The following CPA6 variants were observed in gnomAD, a reference collection of about 807,000 sequenced individuals.
The protein encoded by CPA6 is carboxypeptidase B.
CPA6 carries 58 observed loss-of-function variants against 63.3 expected under a neutral mutation model. That is an observed-to-expected ratio of 0.92 (90% CI 0.74 to 1.14). CPA6 has a LOEUF of 1.14. CPA6 is among the 50% of genes most tolerant of loss of function. CPA6 has a pLI of 0.00. For missense variants in CPA6, 565 were observed against 526.6 expected, an observed-to-expected ratio of 1.07 and a Z score of -0.71; for synonymous variants, 185 against 179.0, an observed-to-expected ratio of 1.03 and a Z score of -0.27.
chr8:67,475,445 T>A (rs1181312435), intron 8 of CPA6, among the ~76,000 whole-genome samples: 3 of 152,244 alleles, frequency 2.0e-5, no homozygotes, highest in Non-Finnish European at 4.4e-5. Flanking sequence ...AAGAAAACAA[T>A]GTAAATACAC....
chr8:67,576,292 T>C (rs1219486917), intron 2 of CPA6, among the ~76,000 whole-genome samples: 1 of 152,244 alleles, frequency 6.6e-6, no homozygotes, highest in Admixed American at 6.5e-5. Context: ...TTATACTGCA[T>C]AAATATATAC....
At chr8:67,615,723 A>G (rs1244034940) in intron 2 of CPA6, among the ~76,000 whole-genome samples, 1 of 152,220 alleles carries the variant, frequency 6.6e-6, no homozygotes. Flanking sequence ...CAAATCTGTA[A>G]GAAAGCCTAC....
At chr8:67,737,598 C>A (rs1385003170) in intron 1 of CPA6, among the ~76,000 whole-genome samples, 1 of 152,148 alleles carries the variant, frequency 6.6e-6, no homozygotes, top group Non-Finnish European at 1.5e-5. Flanking sequence ...AGGGTTGGAA[C>A]TGTTTGTTTA....
chr8:67,564,237 A>G (rs199913704), intron 2 of CPA6, among the ~76,000 whole-genome samples: 2 of 152,274 alleles, frequency 1.3e-5, no homozygotes, highest in East Asian at 1.9e-4. Flanking sequence ...TTCTAGGATT[A>G]AAGTTTGCCA....
intron 8 of CPA6, among the ~76,000 whole-genome samples, chr8:67,444,977 T>C (rs942998097): frequency 1.3e-5 from 2 of 152,150 alleles, no homozygotes; most frequent in African/African-American, 4.8e-5. Flanking sequence ...GGTTAGCCTG[T>C]AAAATGCAGA....
chr8:67,710,313 G>C lies in CPA6; in HGVS notation c.116+35701C>G, dbSNP rs748145282. 1.6e-4 allele frequency among the ~76,000 whole-genome samples: 25 copies of C among 151,900 alleles called. 1 individual carries two copies. The highest frequency in any genetic ancestry group is 2.9e-4 in the Non-Finnish European group (20 of 67,980). Reference sequence around the variant, plus strand: ...AATGTTTCTTACCAGAGTATAAAAGGTGTCAGGCTGTTAGTTAATCTCTCT... The same window carrying C: ...AATGTTTCTTACCAGAGTATAAAAGCTGTCAGGCTGTTAGTTAATCTCTCT... On this transcript the variant is annotated intron_variant, in intron 1 of 10. Transcript: ENST00000297770.
chr8:67,497,533 G>A (rs1811745476), intron 6 of CPA6, among the ~76,000 whole-genome samples: 1 of 152,112 alleles, frequency 6.6e-6, no homozygotes, highest in Non-Finnish European at 1.5e-5. Flanking sequence ...GAATAATGCT[G>A]CTATGAGCAT....
intron 2 of CPA6, among the ~76,000 whole-genome samples, chr8:67,583,929 A>T (rs1206735114): frequency 1.3e-5 from 2 of 152,056 alleles, no homozygotes; most frequent in African/African-American, 2.4e-5. Context: ...AGGCTGAGGC[A>T]GGAGGATCAT....
intron 2 of CPA6, among the ~76,000 whole-genome samples, chr8:67,568,680 G>GAGACCTAA (rs1452196767): frequency 1.3e-5 from 2 of 152,176 alleles, no homozygotes; most frequent in Admixed American, 6.5e-5. Context: ...ACACCATCAA[G>GAGACCTAA]AGACCTAACC....
At chr8:67,630,985 C>T (rs561028506) in intron 1 of CPA6, among the ~76,000 whole-genome samples, 1 of 152,340 alleles carries the variant, frequency 6.6e-6, no homozygotes, top group East Asian at 1.9e-4. Flanking sequence ...GGACCTGCAG[C>T]CCGCCATGAC....
At chr8:67,586,033 C>G (rs946909692) in intron 2 of CPA6, among the ~76,000 whole-genome samples, 3 of 151,976 alleles carry the variant, frequency 2.0e-5, no homozygotes, top group African/African-American at 4.8e-5. Flanking sequence ...TAGGGGTGAC[C>G]GCACCTGTAA....
chr8:67,616,841 G>T (rs1354090394), intron 2 of CPA6, among the ~76,000 whole-genome samples: 1 of 152,112 alleles, frequency 6.6e-6, no homozygotes, highest in Non-Finnish European at 1.5e-5. Flanking sequence ...TGGTCCAGTT[G>T]TCTGTCATCC....
chr8:67,646,061 C>G (rs1815706824), intron 1 of CPA6, among the ~76,000 whole-genome samples: 1 of 152,170 alleles, frequency 6.6e-6, no homozygotes, highest in Admixed American at 6.5e-5. Flanking sequence ...AGATGACAGC[C>G]CACTTGATCT....
chr8:67,517,879 T>G, intron 3 of CPA6, 44 bp downstream of exon 3: 1 of 1,565,600 alleles, frequency 6.4e-7, no homozygotes, highest in Non-Finnish European at 8.7e-7. Context: ...TTTGGTTCAG[T>G]TTAGTACCAA....
intron 1 of CPA6, among the ~76,000 whole-genome samples, chr8:67,696,388 T>C (rs904963386): frequency 2.6e-5 from 4 of 152,196 alleles, no homozygotes; most frequent in Non-Finnish European, 5.9e-5. Context: ...ATTAAAAAGA[T>C]TGACAATATC....
chr8:67,644,081 G>A (rs1242170818), intron 1 of CPA6, among the ~76,000 whole-genome samples: 3 of 151,868 alleles, frequency 2.0e-5, no homozygotes, highest in Admixed American at 6.6e-5. Context: ...CTTAAAGACC[G>A]CATGGTTGCC....
chr8:67,547,968 A>G (rs958091721), intron 2 of CPA6, among the ~76,000 whole-genome samples: 4 of 152,166 alleles, frequency 2.6e-5, no homozygotes, highest in African/African-American at 9.7e-5. Context: ...GTTTCATTCT[A>G]TTCCTTGTAT....
intron 2 of CPA6, among the ~76,000 whole-genome samples, chr8:67,593,653 C>A (rs1249580347): frequency 6.6e-6 from 1 of 151,966 alleles, no homozygotes; most frequent in African/African-American, 2.4e-5. Flanking sequence ...CCTTCTTTGT[C>A]TCTTTTGATC....
intron 1 of CPA6, among the ~76,000 whole-genome samples, chr8:67,660,360 C>T (rs1816082033): frequency 9.0e-6 from 1 of 111,694 alleles, no homozygotes; most frequent in Non-Finnish European, 1.7e-5. Flanking sequence ...GACAGAGTCT[C>T]ACTCTGTCAC....
Sources: gnomAD v4.1 joint callset for allele counts (sites outside exome capture counted in the v4.1 genomes callset) on GRCh38, gnomAD v4.1.1 for gene constraint, MANE v1.5 for transcripts, NCBI Gene and HGNC (gene_info 2026-07-23, HGNC 2026-07-21) for gene names.